GRID1: variants seen among roughly 807,000 people sequenced by gnomAD.
The protein encoded by GRID1 is glutamate ionotropic receptor delta type subunit 1.
Under a neutral mutation model 98.0 loss-of-function variants are expected in GRID1, and 28 were observed. The ratio of observed to expected loss-of-function variants is 0.29; its 90% CI spans 0.21 to 0.39. The LOEUF is 0.39. Among genes scored for constraint, GRID1 ranks in the 10% least tolerant of loss-of-function variants. GRID1 has a pLI of 1.00. For missense variants in GRID1, 1,111 were observed against 1,340.5 expected (o/e 0.83, Z 2.67); for synonymous variants, 553 against 538.5 (o/e 1.03, Z -0.37).
chr10:85,806,186 A>G (rs1395553919), intron 8 of GRID1, among the ~76,000 whole-genome samples: 2 of 152,112 alleles, frequency 1.3e-5, no homozygotes, highest in East Asian at 1.9e-4. Context: ...AAAAGAACAC[A>G]TTAAGAGTTA....
At chr10:85,616,881 G>C (rs1443029016) in intron 14 of GRID1, among the ~76,000 whole-genome samples, 2 of 152,110 alleles carry the variant, frequency 1.3e-5, no homozygotes, top group African/African-American at 4.8e-5. Flanking sequence ...TACACAGTAG[G>C]TGCTCAATAA....
At chr10:85,875,182 G>T (rs1843316998) in intron 5 of GRID1, among the ~76,000 whole-genome samples, 1 of 152,032 alleles carries the variant, frequency 6.6e-6, no homozygotes. Context: ...CTGGCCAGGG[G>T]GTTTTTTTAT....
intron 8 of GRID1, among the ~76,000 whole-genome samples, chr10:85,796,158 G>A (rs1842524213): frequency 6.6e-6 from 1 of 152,136 alleles, no homozygotes; most frequent in African/African-American, 2.4e-5. Context: ...AAAGATCAAA[G>A]CTGGAATCAC....
At chr10:86,067,334 G>C (rs374844968) in intron 4 of GRID1, among the ~76,000 whole-genome samples, 3 of 152,184 alleles carry the variant, frequency 2.0e-5, no homozygotes, top group Non-Finnish European at 2.9e-5. Context: ...GCAGCAGCCT[G>C]CATCTCCACC....
At position 85,933,285 on chromosome 10, in the gene GRID1, TAAAA is replaced by T. The variant is rs59704249; in HGVS notation, c.727-17050_727-17047del. Among the ~76,000 whole-genome samples the T allele has an allele frequency of 1.4e-3, 172 of 120,440 alleles. 1 individual carries two copies. The highest frequency in any genetic ancestry group is 5.5e-3 in the African/African-American group (156 of 28,606). The allele number at this position is 120,440 out of a possible 152,430, so 79.0% of individuals were successfully genotyped here. A position where few individuals can be genotyped will look rare whatever the true frequency, so the allele number is the denominator to read the frequency against. ...GTATAAGAAATAAATCTCTGTTCTT[TAAAA>T]AAAAAAAAAAAAAAAAAAAAAAACT... On this transcript the variant is annotated intron_variant, in intron 4 of 15. Coordinates refer to ENST00000327946, the MANE Select transcript of GRID1 (RefSeq NM_017551.3).
intron 4 of GRID1, among the ~76,000 whole-genome samples, chr10:86,011,363 C>T (rs994603359): frequency 3.3e-5 from 5 of 151,982 alleles, no homozygotes; most frequent in African/African-American, 1.2e-4. Context: ...ACACCTGGAA[C>T]AATACCTAGC....
At chr10:86,087,614 C>A (rs1025806632) in intron 4 of GRID1, among the ~76,000 whole-genome samples, 6 of 152,070 alleles carry the variant, frequency 3.9e-5, no homozygotes, top group African/African-American at 1.4e-4. Context: ...TCACTGGCCA[C>A]TCCTATGTGT....
chr10:85,633,343 T>A (rs1842996294), intron 13 of GRID1, among the ~76,000 whole-genome samples: 1 of 152,256 alleles, frequency 6.6e-6, no homozygotes, highest in South Asian at 2.1e-4. Flanking sequence ...AAAAGATGGA[T>A]ACGAGAGCCA....
In GRID1 at chr10:85,729,606, T is replaced by C; in HGVS notation, c.1242A>G (p.Thr414=). 6.2e-7 allele frequency: 1 copy of C among 1,607,824 alleles called. No homozygotes were observed. Among genetic ancestry groups the C allele is most frequent in the Middle Eastern group, 1.7e-4 (1 of 6,042 alleles). The part of the protein sequence containing the change: ...TFGKDMRKLA[T]WDSEKGLNGS... Reference sequence around the variant, plus strand: ...CATTCAAGCCCTTCTCTGAGTCCCATGTCGCCAACTGTGAAGGAAAAATAA... The same window carrying C: ...CATTCAAGCCCTTCTCTGAGTCCCACGTCGCCAACTGTGAAGGAAAAATAA... Residue 414 remains threonine (T), a synonymous_variant, in exon 9 of 16, where the codon ACA becomes ACG. Transcript: ENST00000327946.
At chr10:85,944,927 A>C (rs1589308313) in intron 4 of GRID1, among the ~76,000 whole-genome samples, 1 of 152,186 alleles carries the variant, frequency 6.6e-6, no homozygotes, top group Non-Finnish European at 1.5e-5. Context: ...ATATTATAAT[A>C]CTGACATGTT....
chr10:85,711,194 A>G (rs1263372162), intron 12 of GRID1, among the ~76,000 whole-genome samples: 1 of 152,036 alleles, frequency 6.6e-6, no homozygotes, highest in Non-Finnish European at 1.5e-5. Flanking sequence ...TAACGGCAGT[A>G]TTTACAACAG....
chr10:85,612,554 A>C (rs908088438), intron 15 of GRID1, among the ~76,000 whole-genome samples: 8 of 152,034 alleles, frequency 5.3e-5, no homozygotes, highest in African/African-American at 1.9e-4. Flanking sequence ...CAGAGTCTCT[A>C]AGCAGAGCTG....
At chr10:85,881,341 G>A (rs1841010600) in intron 5 of GRID1, among the ~76,000 whole-genome samples, 1 of 152,136 alleles carries the variant, frequency 6.6e-6, no homozygotes, top group African/African-American at 2.4e-5. Context: ...AAAGAACAAA[G>A]CCAGAGGCAT....
intron 8 of GRID1, among the ~76,000 whole-genome samples, chr10:85,826,507 C>T (rs1384987670): frequency 2.0e-5 from 3 of 152,142 alleles, no homozygotes; most frequent in Admixed American, 6.5e-5. Flanking sequence ...GACCCTCCCC[C>T]GTCCCCCACC....
intron 3 of GRID1, among the ~76,000 whole-genome samples, chr10:86,183,408 G>A (rs896157106): frequency 4.0e-5 from 6 of 151,884 alleles, no homozygotes; most frequent in African/African-American, 1.5e-4. Context: ...TGCCCAGGCC[G>A]AAGTGCAATG....
At chr10:85,679,290 C>G (rs1841180415) in intron 12 of GRID1, among the ~76,000 whole-genome samples, 1 of 152,220 alleles carries the variant, frequency 6.6e-6, no homozygotes, top group South Asian at 2.1e-4. Context: ...CTCTGCCATA[C>G]CTAAAATATG....
At chr10:85,948,318 C>T (rs1046060414) in intron 4 of GRID1, among the ~76,000 whole-genome samples, 1 of 152,138 alleles carries the variant, frequency 6.6e-6, no homozygotes, top group Non-Finnish European at 1.5e-5. Context: ...AAGGATAAAA[C>T]ATCTAGTCCA....
intron 12 of GRID1, among the ~76,000 whole-genome samples, chr10:85,718,789 TG>T (rs1457222697): frequency 6.6e-6 from 1 of 152,212 alleles, no homozygotes; most frequent in East Asian, 1.9e-4. Context: ...TGACATGGCC[TG>T]GAGACATTTT....
rs145220318 is a variant in GRID1 at position 85,611,517 on chromosome 10, C to G, written c.2601+1890G>C. 4.4e-3 allele frequency among the ~76,000 whole-genome samples: 677 copies of G among 152,308 alleles called. 9 individuals are homozygous for G. The highest frequency in any genetic ancestry group is 0.016 in the African/African-American group (647 of 41,560). The stretch of plus-strand genomic sequence containing the variant: ...TCCGCTGACACAAGGGGCCTTTGCA[C>G]AGAGGAAACCAGGTTGAAGACTTAG... On this transcript the variant is annotated intron_variant, in intron 15 of 15. Coordinates refer to ENST00000327946, the MANE Select transcript of GRID1 (RefSeq NM_017551.3).
Sources: allele counts gnomAD v4.1 joint callset (sites outside exome capture counted in the v4.1 genomes callset), GRCh38; gene constraint gnomAD v4.1.1; transcripts MANE v1.5; gene names NCBI Gene and HGNC (gene_info 2026-07-23, HGNC 2026-07-21).